TRIM5: variants seen among roughly 807,000 people sequenced by gnomAD.
TRIM5 encodes tripartite motif containing 5.
In TRIM5, 31 loss-of-function variants were observed where a neutral mutation model predicts 35.6. The observed-to-expected ratio is 0.87, with a 90% CI of 0.65 to 1.18. TRIM5 has a LOEUF of 1.18. Among genes scored for constraint, TRIM5 ranks in the 50% most tolerant of loss-of-function variants. The pLI, the probability that TRIM5 is intolerant of heterozygous loss-of-function variation, is 0.00. For missense variants in TRIM5, 609 were observed against 591.6 expected (o/e 1.03, Z -0.31); for synonymous variants, 243 against 215.6 (o/e 1.13, Z -1.11).
At chr11:5,676,941 C>T (rs1852030131) in intron 4 of TRIM5, among the ~76,000 whole-genome samples, 1 of 151,034 alleles carries the variant, frequency 6.6e-6, no homozygotes, top group Non-Finnish European at 1.5e-5. Flanking sequence ...ACACCTTATA[C>T]AAAAATCAAT....
intron 1 of TRIM5, among the ~76,000 whole-genome samples, chr11:5,681,079 T>C (rs1041402109): frequency 6.6e-6 from 1 of 152,212 alleles, no homozygotes; most frequent in African/African-American, 2.4e-5. Flanking sequence ...TATTGGAGCC[T>C]AAAGGTGTAG....
intron 4 of TRIM5, among the ~76,000 whole-genome samples, chr11:5,671,215 G>C (rs1194977198): frequency 1.3e-5 from 2 of 151,734 alleles, no homozygotes; most frequent in Non-Finnish European, 2.9e-5. Context: ...AACAGAGTGA[G>C]ACTCTGTCTA....
the TRIM5 span, chr11:5,603,331 G>T: frequency 6.2e-7 from 1 of 1,614,106 alleles, no homozygotes. Context: ...ACCAGTACTG[G>T]TGGACATACG....
At chr11:5,638,958 G>A in the TRIM5 span, among the ~76,000 whole-genome samples, 1 of 152,088 alleles carries the variant, frequency 6.6e-6, no homozygotes, top group South Asian at 2.1e-4. Flanking sequence ...GCCTTCACGT[G>A]GGAGTGCACC....
rs974563586 is a variant in TRIM5, at chr11:5,680,227, G to T, written c.-50C>A. ...TGTCCTGGCTGCTGAGGTTCCTCTT[G>T]TTCACAGATCCCTGCATGATTGGGA... On this transcript the variant is annotated 5_prime_UTR_variant, in exon 2 of 8. Transcript: ENST00000380034. 7 of 1,522,292 alleles carry T rather than the reference G, an allele frequency of 4.6e-6. No homozygotes were observed. Among genetic ancestry groups the T allele is most frequent in the Non-Finnish European group, 6.2e-6 (7 of 1,131,344 alleles). The allele number at this position is 1,522,292 out of a possible 1,614,324, so 94.3% of individuals were successfully genotyped here. A position where few individuals can be genotyped will look rare whatever the true frequency, so the allele number is the denominator to read the frequency against.
At chr11:5,596,789 A>C in the TRIM5 span, 1 of 1,563,672 alleles carries the variant, frequency 6.4e-7, no homozygotes, top group Non-Finnish European at 8.8e-7. Context: ...AAGCCGAGTG[A>C]GCGCGCTCTG....
chr11:5,641,907 G>A, the TRIM5 span, among the ~76,000 whole-genome samples: 2 of 152,008 alleles, frequency 1.3e-5, no homozygotes, highest in African/African-American at 4.8e-5. Flanking sequence ...TCAAATATGC[G>A]CCATTCCACT....
chr11:5,622,212 G>A, the TRIM5 span, among the ~76,000 whole-genome samples: 5 of 152,164 alleles, frequency 3.3e-5, no homozygotes, highest in Admixed American at 6.5e-5. Flanking sequence ...TCGGGAGGCC[G>A]AGGCAAGCAG....
chr11:5,680,032 T>A lies in TRIM5; in HGVS notation c.146A>T (p.Asp49Val). The A allele has an allele frequency of 6.2e-7, 1 of 1,614,160 alleles. No homozygotes were observed. Among genetic ancestry groups the A allele is most frequent in the Non-Finnish European group, 8.5e-7 (1 of 1,180,018 alleles). ...LTANHKKSML[D>V]KGESSCPVCR... ...CACAGGGCAGCTACTCTCTCCTTTG[T>A]CTAGCATGGACTTCTTGTGGTTTGC... Residue 49 changes from aspartate to valine, a missense_variant, in exon 2 of 8, where the codon GAC becomes GTC. Transcript: ENST00000380034.
the TRIM5 span, among the ~76,000 whole-genome samples, chr11:5,646,074 G>GTATTA: frequency 1.6e-5 from 2 of 123,322 alleles, no homozygotes; most frequent in African/African-American, 3.1e-5. Flanking sequence ...ACATATAAAT[G>GTATTA]TATACATTTT....
chr11:5,668,577 G>A (rs1851323726), intron 4 of TRIM5, among the ~76,000 whole-genome samples: 1 of 151,970 alleles, frequency 6.6e-6, no homozygotes, highest in Non-Finnish European at 1.5e-5. Flanking sequence ...AACCTCCCGA[G>A]TAGCTGGGAT....
At chr11:5,651,233 G>A in the TRIM5 span, among the ~76,000 whole-genome samples, 1 of 152,156 alleles carries the variant, frequency 6.6e-6, no homozygotes. Flanking sequence ...AAATTTCACT[G>A]AGAAGATCCC....
At chr11:5,615,933 A>AC in the TRIM5 span, among the ~76,000 whole-genome samples, 7 of 121,380 alleles carry the variant, frequency 5.8e-5, no homozygotes, top group Non-Finnish European at 3.4e-5. Flanking sequence ...ATATCTTTTC[A>AC]TTTTTTTTTT....
In TRIM5 at chr11:5,664,693, A is replaced by C; in HGVS notation, c.*116T>G. ...ACTGATGAGTGAAGGACGTTCAAAT[A>C]GAAAGAAGGGAGACAGCAAGGAAAA... On this transcript the variant is annotated 3_prime_UTR_variant, in exon 8 of 8. Coordinates refer to ENST00000380034, the MANE Select transcript of TRIM5 (RefSeq NM_033034.3). The C allele has an allele frequency of 1.4e-6, 2 of 1,472,432 alleles. No individual in the cohort carries two copies. The highest frequency in any genetic ancestry group is 1.8e-6 in the Non-Finnish European group (2 of 1,116,440). The allele number at this position is 1,472,432 out of a possible 1,614,324, so 91.2% of individuals were successfully genotyped here.
the TRIM5 span, among the ~76,000 whole-genome samples, chr11:5,608,816 C>T: frequency 1.3e-5 from 2 of 149,390 alleles, no homozygotes; most frequent in Non-Finnish European, 3.0e-5. Flanking sequence ...ATAGTTACCT[C>T]AAAATACACA....
the TRIM5 span, among the ~76,000 whole-genome samples, chr11:5,609,560 G>T: frequency 5.3e-5 from 8 of 151,900 alleles, no homozygotes. Flanking sequence ...AACATCTCTA[G>T]GACACAGAAA....
At chr11:5,605,063 G>A in the TRIM5 span, 5 of 512,526 alleles carry the variant, frequency 9.8e-6, no homozygotes, top group Non-Finnish European at 1.8e-5. Flanking sequence ...CAGAGGTGAG[G>A]GAGGCTTCCT....
At chr11:5,618,633 G>A in the TRIM5 span, among the ~76,000 whole-genome samples, 1 of 152,140 alleles carries the variant, frequency 6.6e-6, no homozygotes, top group African/African-American at 2.4e-5. Context: ...TAAAAGAAGA[G>A]AGAAAATTAA....
chr11:5,642,885 C>T, the TRIM5 span: 1 of 1,611,996 alleles, frequency 6.2e-7, no homozygotes, highest in Non-Finnish European at 8.5e-7. Flanking sequence ...TTCCAATTAC[C>T]TTTCAGAAGT....
Sources: allele counts gnomAD v4.1 joint callset (sites outside exome capture counted in the v4.1 genomes callset), GRCh38; gene constraint gnomAD v4.1.1; transcripts MANE v1.5; gene names NCBI Gene and HGNC (gene_info 2026-07-23, HGNC 2026-07-21).